Variants in ATP1A3 observed in about 807,000 individuals in gnomAD.
ATP1A3 encodes sodium/potassium-transporting ATPase subunit alpha-3.
In ATP1A3, 12 loss-of-function variants were observed where a neutral mutation model predicts 108.8. The observed-to-expected ratio is 0.11, with a 90% CI of 0.07 to 0.18. The LOEUF (loss-of-function observed/expected upper bound fraction) is 0.18, where lower values mean the gene tolerates loss of function less well. ATP1A3 is among the 10% of genes least tolerant of loss of function. ATP1A3 has a pLI of 1.00. For missense variants in ATP1A3, 498 were observed against 1,387.7 expected (o/e 0.36, Z 10.19); for synonymous variants, 539 against 564.5 (o/e 0.95, Z 0.64).
chr19:41,982,639 A>C (rs75513663), intron 8 of ATP1A3, among the ~76,000 whole-genome samples: 2 of 152,064 alleles, frequency 1.3e-5, no homozygotes, highest in African/African-American at 4.8e-5. Context: ...AAAAAAAAAA[A>C]TTGTCCAAAA....
chr19:41,970,627 T>G (rs1555859634), intron 16 of ATP1A3, 85 bp from the exon 17 acceptor site: 2 of 141,212 alleles, frequency 1.4e-5, no homozygotes, highest in South Asian at 3.7e-4. Context: ...TCCAACGTCC[T>G]TTTTTTTTTT....
At chr19:41,989,634 CTA>C (rs1366939965) in intron 1 of ATP1A3, among the ~76,000 whole-genome samples, 1 of 152,108 alleles carries the variant, frequency 6.6e-6, no homozygotes, top group Non-Finnish European at 1.5e-5. Context: ...TCTGTCTTTT[CTA>C]TGTCTCCACG....
At chr19:41,969,353 T>G in intron 19 of ATP1A3, 82 bp downstream of exon 19, 1 of 1,597,350 alleles carries the variant, frequency 6.3e-7, no homozygotes, top group Non-Finnish European at 8.6e-7. Context: ...GGGGCCATCG[T>G]AGGAAGTGGC....
rs1315342682 is a variant in ATP1A3 at position 41,985,150 on chromosome 19, C to T, written c.761G>A (p.Arg254His). ...ARGVVVATGD[R>H]TVMGRIATLA... ...GGTGGCGATACGGCCCATGACAGTG[C>T]GGTCGCCCGTGGCCACCACCACGCC... Residue 254 changes from arginine to histidine, a missense_variant, in exon 8 of 23, where the codon CGC becomes CAC. Coordinates refer to ENST00000648268, the MANE Select transcript of ATP1A3 (RefSeq NM_152296.5). The surrounding 1 kb of genome is among the most constrained non-coding windows in gnomAD (Gnocchi z 8.2). 7 of 1,613,198 alleles carry T rather than the reference C, an allele frequency of 4.3e-6. No homozygotes were observed. The highest frequency in any genetic ancestry group is 4.5e-5 in the East Asian group (2 of 44,874).
Position 41,968,981 on chromosome 19 carries a change from G to C in ATP1A3, c.2689-66C>G. On this transcript the variant is annotated intron_variant, in intron 19 of 22. Coordinates refer to ENST00000648268, the MANE Select transcript of ATP1A3 (RefSeq NM_152296.5). This position sits in a 1 kb window ranked among gnomAD's most constrained non-coding sequence, Gnocchi z 5.0. ...GCACTGCAGCCCTAGCCGCCACCCC[G>C]ACGTTCCGGTGCTCTTTGCCCCGCC... 1 of 1,609,156 alleles carries C rather than the reference G, an allele frequency of 6.2e-7. No individual in the cohort carries two copies. The highest frequency in any genetic ancestry group is 1.1e-5 in the South Asian group (1 of 90,786).
intron 8 of ATP1A3, among the ~76,000 whole-genome samples, chr19:41,983,585 A>T (rs111774090): frequency 0.12 from 17,048 of 144,252 alleles, 1,298 homozygotes; most frequent in African/African-American, 0.22. Context: ...TAATAATAAT[A>T]ATTATTATTA....
intron 15 of ATP1A3, 63 bp downstream of exon 15, chr19:41,976,353 C>G: frequency 6.2e-7 from 1 of 1,605,322 alleles, no homozygotes; most frequent in African/African-American, 1.3e-5. Flanking sequence ...AAACCAGGCC[C>G]CGGCCTCAGT....
At chr19:41,991,400 C>T (rs2075337202) in intron 1 of ATP1A3, among the ~76,000 whole-genome samples, 1 of 152,170 alleles carries the variant, frequency 6.6e-6, no homozygotes, top group Non-Finnish European at 1.5e-5. Flanking sequence ...CCTGCAGCAG[C>T]ACTGCGTCTC....
chr19:41,969,413 C>G (rs782735205), intron 19 of ATP1A3, 22 bp downstream of exon 19: 5 of 1,613,970 alleles, frequency 3.1e-6, no homozygotes, highest in Non-Finnish European at 4.2e-6. Context: ...TGGGCAGAGA[C>G]ACAGCACCCT....
Position 41,966,685 on chromosome 19 carries a change from C to A in ATP1A3, c.*252G>T. On this transcript the variant is annotated 3_prime_UTR_variant, in exon 23 of 23. Transcript: ENST00000648268. ...AAAGAGCCCAGGGAGGTGGCTGGGG[C>A]GGGAGGAATGGATAGAGGGGTGAGG... 6.5e-6 allele frequency: 10 copies of A among 1,532,684 alleles called. No individual in the cohort carries two copies. The highest frequency in any genetic ancestry group is 8.8e-6 in the Non-Finnish European group (10 of 1,136,972). 94.9% of individuals were successfully genotyped at this position (1,532,684 alleles called of 1,614,324 possible).
intron 11 of ATP1A3, among the ~76,000 whole-genome samples, chr19:41,979,198 T>C (rs781878421): frequency 5.9e-5 from 9 of 151,592 alleles, no homozygotes; most frequent in Non-Finnish European, 1.3e-4. Context: ...AGACGGGATT[T>C]TGCCATGTTG....
At chr19:41,983,503 C>T (rs186880946) in intron 8 of ATP1A3, among the ~76,000 whole-genome samples, 22 of 151,240 alleles carry the variant, frequency 1.5e-4, no homozygotes, top group African/African-American at 2.2e-4. Flanking sequence ...AGCTGTCAGG[C>T]GGAACCTCAC....
At chr19:41,993,099 C>A (rs2145993468) in intron 1 of ATP1A3, 1 of 376,680 alleles carries the variant, frequency 2.7e-6, no homozygotes, top group East Asian at 4.8e-5. Context: ...TTCTCCCCAG[C>A]CCTCCTATTC....
At chr19:41,969,894 C>T (rs576791261) in intron 18 of ATP1A3, among the ~76,000 whole-genome samples, 20 of 152,322 alleles carry the variant, frequency 1.3e-4, no homozygotes, top group African/African-American at 1.7e-4. Flanking sequence ...GAGCTCCCTA[C>T]GCAGGAATGA....
chr19:41,979,134 CT>C (rs1555862519), intron 11 of ATP1A3, among the ~76,000 whole-genome samples: 1 of 151,818 alleles, frequency 6.6e-6, no homozygotes, highest in African/African-American at 2.4e-5. Flanking sequence ...TCCGGAGTAG[CT>C]TGGGATTACA....
Position 41,981,431 on chromosome 19 carries a change from T to C in ATP1A3, c.1437+71A>G, listed in dbSNP as rs1339262009. 6.2e-7 allele frequency: 1 copy of C among 1,610,626 alleles called. No homozygotes were observed. The highest frequency in any genetic ancestry group is 1.3e-5 in the African/African-American group (1 of 74,850). On this transcript the variant is annotated intron_variant, in intron 11 of 22. Transcript: ENST00000648268. This position sits in a 1 kb window ranked among gnomAD's most constrained non-coding sequence, Gnocchi z 5.0. ...TTTACAGACGGGAAAATCAAGGCTC[T>C]ATGACACCTCTTTACAGGCGTCATA...
At position 41,976,562 on chromosome 19, in the gene ATP1A3, C is replaced by T; in HGVS notation, c.1948G>A (p.Ala650Thr). The change falls in exon 15 of 23, where the codon GCC becomes ACC. Residue 650 changes from alanine (A) to threonine (T), a missense_variant. Transcript: ENST00000648268. ...GTGCCGTGGATCACGCAGGCCTTGGCATCCCTGGGAAGAGCAGAGAGAGCG... is the reference window on the plus strand; with the variant it reads ...GTGCCGTGGATCACGCAGGCCTTGGTATCCCTGGGAAGAGCAGAGAGAGCG... The part of the protein sequence containing the change: ...IPVSQVNPRD[A>T]KACVIHGTDL... 6.2e-7 allele frequency: 1 copy of T among 1,614,024 alleles called. No homozygotes were observed. Among genetic ancestry groups the T allele is most frequent in the Non-Finnish European group, 8.5e-7 (1 of 1,179,972 alleles).
chr19:41,992,388 G>A (rs1211076673), intron 1 of ATP1A3, among the ~76,000 whole-genome samples: 7 of 152,068 alleles, frequency 4.6e-5, no homozygotes, highest in East Asian at 3.9e-4. Context: ...TGCCTGTCTC[G>A]CTGTGGCCGC....
rs946947375 is a variant in ATP1A3, at chr19:41,967,739, C to T, written c.2844G>A (p.Leu948=). ...GMKNKILIFG[L]FEETALAAFL... ...AGGCAGCCAGGGCCGTCTCCTCAAA[C>T]AGCCCGAAGATCAGGATCTTGTTCC... is the stretch of plus-strand genomic sequence containing the variant. Residue 948 remains leucine (L), a synonymous_variant, in exon 21 of 23, where the codon CTG becomes CTA. Transcript: ENST00000648268. This position sits in a 1 kb window ranked among gnomAD's most constrained non-coding sequence, Gnocchi z 4.2. 19 of 1,614,012 alleles carry T rather than the reference C, an allele frequency of 1.2e-5. No homozygotes were observed. The highest frequency in any genetic ancestry group is 1.4e-5 in the Non-Finnish European group (17 of 1,179,974).
Sources: allele counts gnomAD v4.1 joint callset (sites outside exome capture counted in the v4.1 genomes callset), GRCh38; gene constraint gnomAD v4.1.1; non-coding constraint Gnocchi (gnomAD v3.1); transcripts MANE v1.5; gene names NCBI Gene and HGNC (gene_info 2026-07-23, HGNC 2026-07-21).